Variants in WRN observed in about 807,000 individuals in gnomAD.
WRN encodes WRN RecQ like helicase, also known as bifunctional 3'-5' exonuclease/ATP-dependent helicase WRN.
A neutral mutation model predicts 180.7 loss-of-function variants in WRN; 149 were observed. The ratio of observed to expected loss-of-function variants is 0.82; its 90% CI spans 0.72 to 0.94. WRN has a LOEUF of 0.94. Among genes scored for constraint, WRN ranks in the 40% least tolerant of loss-of-function variants. The probability of loss-of-function intolerance (pLI) is 0.00; values close to 1 mark genes in which losing one functional copy is unlikely to be tolerated. For missense variants in WRN, 1,661 were observed against 1,700.1 expected, an observed-to-expected ratio of 0.98 and a Z score of 0.40; for synonymous variants, 548 against 568.9, an observed-to-expected ratio of 0.96 and a Z score of 0.52.
At chr8:31,132,220 G>T (rs1398109983) in intron 23 of WRN, 145 bp from the exon 24 acceptor site, 3 of 913,484 alleles carry the variant, frequency 3.3e-6, no homozygotes, top group Non-Finnish European at 4.9e-6. Context: ...ACATACTCGG[G>T]TATAATGAAC....
intron 28 of WRN, among the ~76,000 whole-genome samples, chr8:31,144,340 T>TG (rs1401858636): frequency 2.7e-3 from 1 of 366 alleles, no homozygotes; most frequent in Non-Finnish European, 0.026. Flanking sequence ...TCTAAGTGTG[T>TG]TTTTTTTTTT....
intron 20 of WRN, among the ~76,000 whole-genome samples, chr8:31,117,124 T>C (rs1381289211): frequency 2.0e-5 from 3 of 152,220 alleles, no homozygotes; most frequent in Non-Finnish European, 4.4e-5. Flanking sequence ...CTGTTAGTTT[T>C]CACTGACTAC....
intron 1 of WRN, among the ~76,000 whole-genome samples, chr8:31,056,034 T>C (rs1376456933): frequency 6.6e-6 from 1 of 152,218 alleles, no homozygotes; most frequent in African/African-American, 2.4e-5. Context: ...TGGAAGTATC[T>C]AGATAGAATT....
At chr8:31,049,353 G>A (rs540349340) in intron 1 of WRN, among the ~76,000 whole-genome samples, 1 of 150,862 alleles carries the variant, frequency 6.6e-6, no homozygotes, top group South Asian at 2.1e-4. Context: ...GCAACATGGT[G>A]AAACTCCATT....
chr8:31,125,537 GATATATATATATATATATATAT>G lies in WRN; in HGVS notation c.2825+548_2825+569del, dbSNP rs71206299. ...GAAATAGGACGATTGATATTATGGAGATATATATATATATATATATATATATATATATGGGGAGGGAAAGGAA... is the reference window on the plus strand; with the variant it reads ...GAAATAGGACGATTGATATTATGGAGATATATATATGGGGAGGGAAAGGAA... On this transcript the variant is annotated intron_variant, in intron 23 of 34. Transcript: ENST00000298139. Among the ~76,000 whole-genome samples, 77 of 63,770 alleles carry G rather than the reference GATATATATATATATATATATAT, an allele frequency of 1.2e-3. 8 individuals carry two copies. The highest frequency in any genetic ancestry group is 9.9e-3 in the Admixed American group (46 of 4,652). 41.8% of individuals were successfully genotyped at this position (63,770 alleles called of 152,430 possible).
chr8:31,044,222 TAGTAG>T (rs1043248072), intron 1 of WRN, among the ~76,000 whole-genome samples: 1 of 151,896 alleles, frequency 6.6e-6, no homozygotes, highest in African/African-American at 2.4e-5. Context: ...TTTGTGTTTT[TAGTAG>T]AGACGGGGTT....
At chr8:31,036,141 T>C (rs780204310) in intron 1 of WRN, among the ~76,000 whole-genome samples, 10 of 152,252 alleles carry the variant, frequency 6.6e-5, no homozygotes, top group Non-Finnish European at 4.4e-5. Context: ...CTGGTTTATT[T>C]CACTTAACAG....
chr8:31,162,393 C>T (rs1420289649), intron 33 of WRN, among the ~76,000 whole-genome samples: 2 of 152,158 alleles, frequency 1.3e-5, no homozygotes, highest in African/African-American at 4.8e-5. Flanking sequence ...TCCACCTCCA[C>T]ATCTTGTCCC....
intron 18 of WRN, among the ~76,000 whole-genome samples, chr8:31,108,899 C>A (rs1372634611): frequency 6.6e-6 from 1 of 152,148 alleles, no homozygotes; most frequent in African/African-American, 2.4e-5. Context: ...AAGTTCAAGC[C>A]CCAGCATGGC....
At chr8:31,170,141 G>A (rs1462415455) in intron 34 of WRN, among the ~76,000 whole-genome samples, 1 of 152,014 alleles carries the variant, frequency 6.6e-6, no homozygotes, top group African/African-American at 2.4e-5. Context: ...CATTCTTACA[G>A]TTTTAGTTTC....
chr8:31,066,981 A>G, intron 5 of WRN, 52 bp from the exon 6 acceptor site: 2 of 1,603,306 alleles, frequency 1.2e-6, no homozygotes, highest in African/African-American at 1.3e-5. Flanking sequence ...TCATTTGGTA[A>G]TACCTGAAAA....
intron 24 of WRN, among the ~76,000 whole-genome samples, chr8:31,136,836 C>CAAATGAAT (rs146117888): frequency 2.2e-4 from 33 of 149,560 alleles, no homozygotes; most frequent in South Asian, 1.1e-3. Flanking sequence ...TACCCTGTCT[C>CAAATGAAT]GAATGAATGA....
chr8:31,090,649 T>G (rs1052516237), intron 14 of WRN, 117 bp downstream of exon 14: 1 of 1,181,554 alleles, frequency 8.5e-7, no homozygotes, highest in Non-Finnish European at 1.2e-6. Context: ...TGATGTAAAC[T>G]ATAGAAGAGA....
At chr8:31,084,498 G>A (rs2130137230) in intron 10 of WRN, among the ~76,000 whole-genome samples, 1 of 152,104 alleles carries the variant, frequency 6.6e-6, no homozygotes, top group Non-Finnish European at 1.5e-5. Flanking sequence ...TTAAGGCTGT[G>A]CTTCCTTTTC....
At chr8:31,096,948 T>C in intron 17 of WRN, 98 bp downstream of exon 17, 1 of 1,119,012 alleles carries the variant, frequency 8.9e-7, no homozygotes, top group East Asian at 2.4e-5. Context: ...TTAAAGTTTA[T>C]TTCAAACATT....
At chr8:31,057,742 C>CT (rs1474443515) in intron 1 of WRN, among the ~76,000 whole-genome samples, 10 of 150,508 alleles carry the variant, frequency 6.6e-5, no homozygotes, top group Non-Finnish European at 1.2e-4. Context: ...CAAATATGTT[C>CT]TGTTTTTTTT....
chr8:31,076,873 T>C (rs1047213322), intron 8 of WRN, among the ~76,000 whole-genome samples: 4 of 152,184 alleles, frequency 2.6e-5, no homozygotes, highest in African/African-American at 9.6e-5. Flanking sequence ...TTATACAGAT[T>C]AATAGACCTT....
Position 31,148,272 on chromosome 8 carries a change from C to T in WRN, c.3572+796C>T, listed in dbSNP as rs1395156720. 6.6e-5 allele frequency among the ~76,000 whole-genome samples: 10 copies of T among 152,252 alleles called. No individual in the cohort carries two copies. In the South Asian group the frequency reaches 2.1e-3, roughly 32 times the overall value. The stretch of plus-strand genomic sequence containing the variant: ...ATGCCTTCCTCCTCCTTCTTAATGA[C>T]ACCACGTTAATTCTGACTGTTTTCC... On this transcript the variant is annotated intron_variant, in intron 30 of 34. Coordinates refer to ENST00000298139, the MANE Select transcript of WRN (RefSeq NM_000553.6).
chr8:31,073,424 G>T (rs1003736626), intron 7 of WRN, among the ~76,000 whole-genome samples: 2 of 152,332 alleles, frequency 1.3e-5, no homozygotes, highest in Non-Finnish European at 2.9e-5. Flanking sequence ...GGAAAGGTCA[G>T]TTATAGTGGA....
Sources: gnomAD v4.1 joint callset for allele counts (sites outside exome capture counted in the v4.1 genomes callset) on GRCh38, gnomAD v4.1.1 for gene constraint, MANE v1.5 for transcripts, NCBI Gene and HGNC (gene_info 2026-07-23, HGNC 2026-07-21) for gene names.